The following DGKI variants were observed in gnomAD, a reference collection of about 807,000 sequenced individuals.
DGKI encodes the protein diacylglycerol kinase iota.
Under a neutral mutation model 147.5 loss-of-function variants are expected in DGKI, and 55 were observed. The observed-to-expected ratio is 0.37, with a 90% CI of 0.30 to 0.47. DGKI has a LOEUF of 0.47. DGKI is among the 20% of genes least tolerant of loss of function. DGKI has a pLI of 1.00. For synonymous variants in DGKI, 469 were observed against 477.1 expected (o/e 0.98, Z 0.22); for missense variants, 1,007 against 1,323.8 (o/e 0.76, Z 3.71).
Position 137,740,936 on chromosome 7 carries a change from G to A in DGKI, c.402-50934C>T, listed in dbSNP as rs78292955. Among the ~76,000 whole-genome samples, 826 of 152,226 alleles carry A rather than the reference G, an allele frequency of 5.4e-3. 8 individuals carry two copies. Among genetic ancestry groups the A allele is most frequent in the African/African-American group, 0.018 (754 of 41,538 alleles). ...GGTCCAAATCCTAATCCTGTCACACGCTGAGTAACTAGGTAAATGAGCTCA... is the reference window on the plus strand; with the variant it reads ...GGTCCAAATCCTAATCCTGTCACACACTGAGTAACTAGGTAAATGAGCTCA... On this transcript the variant is annotated intron_variant, in intron 1 of 32. Coordinates refer to ENST00000614521, the MANE Select transcript of DGKI (RefSeq NM_001321708.2).
chr7:137,469,824 CA>C (rs1264514231), intron 23 of DGKI, among the ~76,000 whole-genome samples: 3 of 152,128 alleles, frequency 2.0e-5, no homozygotes, highest in African/African-American at 7.2e-5. Context: ...ATAAAATTAG[CA>C]TGAGGTTTTT....
At chr7:137,517,896 G>A (rs1037499268) in intron 21 of DGKI, among the ~76,000 whole-genome samples, 1 of 152,022 alleles carries the variant, frequency 6.6e-6, no homozygotes, top group Non-Finnish European at 1.5e-5. Context: ...AAAGTAAATT[G>A]AATGATTTAG....
chr7:137,706,509 T>TATTTC (rs972038758), intron 1 of DGKI, among the ~76,000 whole-genome samples: 9 of 124,868 alleles, frequency 7.2e-5, no homozygotes, highest in Non-Finnish European at 1.2e-4. Flanking sequence ...TATTTTATTT[T>TATTTC]ATTTCATTTT....
At chr7:137,694,683 A>C (rs890083158) in intron 1 of DGKI, among the ~76,000 whole-genome samples, 1 of 152,196 alleles carries the variant, frequency 6.6e-6, no homozygotes, top group Non-Finnish European at 1.5e-5. Flanking sequence ...TTGATTCCCC[A>C]AGAGAGTTCT....
At chr7:137,716,372 A>G (rs1347768859) in intron 1 of DGKI, among the ~76,000 whole-genome samples, 1 of 152,234 alleles carries the variant, frequency 6.6e-6, no homozygotes, top group African/African-American at 2.4e-5. Context: ...ATTCGAGCTC[A>G]TGACCAATTC....
chr7:137,440,184 A>AATC (rs1213250240), intron 28 of DGKI, among the ~76,000 whole-genome samples: 5 of 152,210 alleles, frequency 3.3e-5, no homozygotes, highest in African/African-American at 1.2e-4. Context: ...AGGACAGTGC[A>AATC]ATCAATCACT....
chr7:137,471,848 G>T (rs995913425), intron 23 of DGKI, among the ~76,000 whole-genome samples: 2 of 146,604 alleles, frequency 1.4e-5, no homozygotes, highest in African/African-American at 5.0e-5. Flanking sequence ...TATAGCTATG[G>T]ATACAGAGAT....
intron 1 of DGKI, among the ~76,000 whole-genome samples, chr7:137,755,115 A>G (rs1396052704): frequency 6.6e-6 from 1 of 152,184 alleles, no homozygotes; most frequent in Non-Finnish European, 1.5e-5. Context: ...CACAGATTAT[A>G]AATTAGGTAT....
At position 137,397,413 on chromosome 7, in the gene DGKI, C is replaced by T; in HGVS notation, c.2921G>A (p.Gly974Glu). The change falls in exon 31 of 33, where the codon GGA (glycine) becomes GAA (glutamate). Residue 974 changes from glycine (G) to glutamate (E), a missense_variant and splice_region_variant. Gly to Glu is a moderately conservative substitution (Grantham distance 98). Coordinates refer to ENST00000614521, the MANE Select transcript of DGKI (RefSeq NM_001321708.2). ...TGCCATATCCAATAACTCGGAAGGTCCTAAATAAGAAGAAAGCAAGATGAC... is the reference window on the plus strand; with the variant it reads ...TGCCATATCCAATAACTCGGAAGGTTCTAAATAAGAAGAAAGCAAGATGAC... ...GEIVKYILDH[G>E]PSELLDMADS... 1 of 1,612,008 alleles carries T rather than the reference C, an allele frequency of 6.2e-7. No homozygotes were observed. Among genetic ancestry groups the T allele is most frequent in the Non-Finnish European group, 8.5e-7 (1 of 1,179,498 alleles).
intron 6 of DGKI, among the ~76,000 whole-genome samples, chr7:137,631,972 C>G (rs1009712833): frequency 1.3e-5 from 2 of 152,170 alleles, no homozygotes; most frequent in Non-Finnish European, 2.9e-5. Flanking sequence ...GGTGGCTCTC[C>G]CTCGTAGGTT....
chr7:137,506,297 G>A (rs1284776645), intron 21 of DGKI, among the ~76,000 whole-genome samples: 1 of 152,148 alleles, frequency 6.6e-6, no homozygotes, highest in African/African-American at 2.4e-5. Context: ...ATAAAGCAAA[G>A]ACAAGACATA....
At chr7:137,472,410 T>TATATAC (rs552068382) in intron 23 of DGKI, among the ~76,000 whole-genome samples, 1 of 133,844 alleles carries the variant, frequency 7.5e-6, no homozygotes, top group Non-Finnish European at 1.5e-5. Context: ...ATTATATGTA[T>TATATAC]ATATACATAT....
chr7:137,475,582 C>G (rs904670019), intron 23 of DGKI, among the ~76,000 whole-genome samples: 2 of 152,166 alleles, frequency 1.3e-5, no homozygotes, highest in African/African-American at 4.8e-5. Flanking sequence ...TCCTGTGATA[C>G]AACTGTGATC....
intron 1 of DGKI, among the ~76,000 whole-genome samples, chr7:137,803,774 T>C (rs551126364): frequency 2.8e-4 from 43 of 152,310 alleles, no homozygotes; most frequent in South Asian, 4.1e-4. Flanking sequence ...GTGTATCAAA[T>C]ATCCTGGAGA....
chr7:137,416,077 A>G (rs1812349366), intron 28 of DGKI, among the ~76,000 whole-genome samples: 1 of 152,206 alleles, frequency 6.6e-6, no homozygotes, highest in African/African-American at 2.4e-5. Flanking sequence ...TTTAAAAGTT[A>G]ATAAAAAGAG....
intron 23 of DGKI, among the ~76,000 whole-genome samples, chr7:137,475,678 G>A (rs983546270): frequency 3.9e-5 from 6 of 152,184 alleles, no homozygotes; most frequent in African/African-American, 1.4e-4. Context: ...GGACCATGTC[G>A]TTAAAGGGTG....
intron 24 of DGKI, among the ~76,000 whole-genome samples, chr7:137,467,764 T>C (rs993819762): frequency 6.6e-6 from 1 of 152,156 alleles, no homozygotes; most frequent in African/African-American, 2.4e-5. Flanking sequence ...GAGAAGTGCT[T>C]GAAGCCAGGA....
chr7:137,700,154 T>C (rs572633202), intron 1 of DGKI, among the ~76,000 whole-genome samples: 3 of 152,204 alleles, frequency 2.0e-5, no homozygotes, highest in Non-Finnish European at 4.4e-5. Flanking sequence ...GGAGACACAC[T>C]GCCAGGGTGT....
chr7:137,547,863 A>G (rs1017807902), intron 20 of DGKI, among the ~76,000 whole-genome samples: 3 of 152,186 alleles, frequency 2.0e-5, no homozygotes. Flanking sequence ...TAGCATTTCA[A>G]TGGGGTCCTA....
Sources: gnomAD v4.1 joint callset for allele counts (sites outside exome capture counted in the v4.1 genomes callset) on GRCh38, gnomAD v4.1.1 for gene constraint, MANE v1.5 for transcripts, NCBI Gene and HGNC (gene_info 2026-07-23, HGNC 2026-07-21) for gene names.